Variants in ADGRL3 observed in about 807,000 individuals in gnomAD.
The protein encoded by ADGRL3 is adhesion G protein-coupled receptor L3.
In ADGRL3, 62 loss-of-function variants were observed where a neutral mutation model predicts 153.5. That is an observed-to-expected ratio of 0.40 (90% CI 0.33 to 0.50). The LOEUF (loss-of-function observed/expected upper bound fraction) is 0.50, where lower values mean the gene tolerates loss of function less well. ADGRL3 is among the 20% of genes least tolerant of loss of function. The pLI is 0.47. For missense variants in ADGRL3, 1,641 were observed against 1,859.4 expected (o/e 0.88, Z 2.16); for synonymous variants, 710 against 672.5 (o/e 1.06, Z -0.86).
intron 1 of ADGRL3, among the ~76,000 whole-genome samples, chr4:61,288,164 T>G (rs1052606168): frequency 6.6e-5 from 10 of 151,980 alleles, no homozygotes; most frequent in African/African-American, 1.9e-4. Context: ...CTCCTTGTCA[T>G]GTTCCTCCCC....
At chr4:62,067,864 G>A (rs1342355498) in intron 25 of ADGRL3, among the ~76,000 whole-genome samples, 1 of 151,836 alleles carries the variant, frequency 6.6e-6, no homozygotes, top group Non-Finnish European at 1.5e-5. Context: ...TACTCTCCTT[G>A]GTTTATGTGA....
At chr4:61,667,919 A>G (rs1201641030) in intron 5 of ADGRL3, among the ~76,000 whole-genome samples, 5 of 152,226 alleles carry the variant, frequency 3.3e-5, no homozygotes, top group African/African-American at 1.2e-4. Flanking sequence ...TTACTAGGTC[A>G]GATTTCAAGG....
At chr4:61,933,004 G>A (rs938993060) in intron 13 of ADGRL3, among the ~76,000 whole-genome samples, 1 of 151,436 alleles carries the variant, frequency 6.6e-6, no homozygotes, top group Admixed American at 6.6e-5. Flanking sequence ...TAAAAACAAC[G>A]AAGGACAGAA....
intron 5 of ADGRL3, among the ~76,000 whole-genome samples, chr4:61,593,051 C>T (rs2098975631): frequency 6.6e-6 from 1 of 152,142 alleles, no homozygotes; most frequent in Non-Finnish European, 1.5e-5. Flanking sequence ...CAAACACTAT[C>T]TTATAACCCA....
chr4:61,774,138 T>A (rs551926361), intron 8 of ADGRL3, among the ~76,000 whole-genome samples: 1 of 152,002 alleles, frequency 6.6e-6, no homozygotes, highest in South Asian at 2.1e-4. Flanking sequence ...GAGGATCACC[T>A]AAGGTCAGGA....
intron 13 of ADGRL3, among the ~76,000 whole-genome samples, chr4:61,915,247 T>C (rs568887883): frequency 1.3e-5 from 2 of 148,880 alleles, no homozygotes; most frequent in African/African-American, 4.9e-5. Context: ...TAGGTGTGTT[T>C]ATATACATAT....
intron 13 of ADGRL3, among the ~76,000 whole-genome samples, chr4:61,919,633 T>C (rs965617571): frequency 2.0e-5 from 3 of 152,174 alleles, no homozygotes; most frequent in Admixed American, 2.0e-4. Context: ...TCATATGTAA[T>C]GTAAGCAGAG....
chr4:61,955,686 AC>A, intron 17 of ADGRL3, among the ~76,000 whole-genome samples: 1 of 151,026 alleles, frequency 6.6e-6, no homozygotes, highest in East Asian at 2.0e-4. Context: ...CCCTTCCCTC[AC>A]CCCCCAATCC....
chr4:61,204,564 G>A (rs777226851), intron 1 of ADGRL3, among the ~76,000 whole-genome samples: 8 of 152,142 alleles, frequency 5.3e-5, no homozygotes, highest in Non-Finnish European at 8.8e-5. Context: ...GTGTGTGTCA[G>A]TGTATTGTGC....
chr4:61,467,074 G>A (rs2097893374), intron 2 of ADGRL3, among the ~76,000 whole-genome samples: 1 of 152,058 alleles, frequency 6.6e-6, no homozygotes. Flanking sequence ...TCTGACTTAG[G>A]TCTTGTGGAG....
At chr4:61,377,490 C>G (rs1455623361) in intron 1 of ADGRL3, among the ~76,000 whole-genome samples, 1 of 151,526 alleles carries the variant, frequency 6.6e-6, no homozygotes. Context: ...TGAGTATTAC[C>G]AAAAAATCAA....
chr4:61,589,740 A>T (rs532900866), intron 5 of ADGRL3, among the ~76,000 whole-genome samples: 3 of 152,178 alleles, frequency 2.0e-5, no homozygotes, highest in African/African-American at 7.2e-5. Context: ...CAGTAGACAG[A>T]TGTTCTAGGC....
chr4:61,711,704 T>C (rs1022071010), intron 6 of ADGRL3, among the ~76,000 whole-genome samples: 2 of 151,634 alleles, frequency 1.3e-5, no homozygotes, highest in African/African-American at 4.8e-5. Flanking sequence ...AAAAGTGCAC[T>C]ACAAAAACAA....
chr4:61,433,204 A>T (rs373794517), intron 2 of ADGRL3, among the ~76,000 whole-genome samples: 3 of 152,218 alleles, frequency 2.0e-5, no homozygotes, highest in Non-Finnish European at 4.4e-5. Flanking sequence ...ATTGCTTGTC[A>T]CTTAGAATGA....
intron 6 of ADGRL3, among the ~76,000 whole-genome samples, chr4:61,713,460 G>A (rs2151507891): frequency 6.6e-6 from 1 of 152,000 alleles, no homozygotes; most frequent in African/African-American, 2.4e-5. Flanking sequence ...AATTTACTGT[G>A]TTAAATTAAT....
Position 61,424,337 on chromosome 4 carries a change from T to C in ADGRL3, c.-174+41148T>C, listed in dbSNP as rs530253302. ...CTTGACTGCCGCACAGCCATTTTCC[T>C]TACACTCCACCCCCTAGGCTGAGGG... On this transcript the variant is annotated intron_variant, in intron 2 of 26. Coordinates refer to ENST00000683033, the MANE Select transcript of ADGRL3 (RefSeq NM_001387552.1). Among the ~76,000 whole-genome samples the C allele has an allele frequency of 3.9e-5, 6 of 152,234 alleles. No individual in the cohort carries two copies. The East Asian group carries it at 1.2e-3, about 30-fold the overall frequency.
chr4:61,306,756 C>T (rs1004103325), intron 1 of ADGRL3, among the ~76,000 whole-genome samples: 1 of 152,122 alleles, frequency 6.6e-6, no homozygotes, highest in East Asian at 1.9e-4. Context: ...TATGCAACCA[C>T]CACCCCAAAC....
intron 2 of ADGRL3, among the ~76,000 whole-genome samples, chr4:61,406,860 G>T (rs1319074317): frequency 6.6e-6 from 1 of 151,920 alleles, no homozygotes; most frequent in Non-Finnish European, 1.5e-5. Flanking sequence ...ATGGCTAAAT[G>T]ATGTCATTGG....
chr4:61,792,684 T>C (rs1405066423), intron 8 of ADGRL3, among the ~76,000 whole-genome samples: 1 of 151,840 alleles, frequency 6.6e-6, no homozygotes, highest in Non-Finnish European at 1.5e-5. Context: ...GAGACGGAGT[T>C]TCACCATGTT....
Sources: gnomAD v4.1 joint callset for allele counts (sites outside exome capture counted in the v4.1 genomes callset) on GRCh38, gnomAD v4.1.1 for gene constraint, MANE v1.5 for transcripts, NCBI Gene and HGNC (gene_info 2026-07-23, HGNC 2026-07-21) for gene names.